Variants in IGF1R observed in about 807,000 individuals in gnomAD.
IGF1R encodes insulin-like growth factor 1 receptor.
IGF1R carries 44 observed loss-of-function variants against 144.6 expected under a neutral mutation model. The observed-to-expected ratio is 0.30, with a 90% CI of 0.24 to 0.39. IGF1R has a LOEUF of 0.39. Among genes scored for constraint, IGF1R ranks in the 10% least tolerant of loss-of-function variants. The pLI is 1.00. For missense variants in IGF1R, 1,355 were observed against 1,833.7 expected, an observed-to-expected ratio of 0.74 and a Z score of 4.77; for synonymous variants, 795 against 722.8, an observed-to-expected ratio of 1.10 and a Z score of -1.60.
chr15:98,949,470 C>T lies in IGF1R; in HGVS notation c.3722+762C>T, dbSNP rs1458231430. Among the ~76,000 whole-genome samples, 5 of 151,740 alleles carry T rather than the reference C, an allele frequency of 3.3e-5. No individual in the cohort carries two copies. The South Asian group carries it at 6.3e-4, about 19-fold the overall frequency. On this transcript the variant is annotated intron_variant, in intron 20 of 20. Coordinates refer to ENST00000650285, the MANE Select transcript of IGF1R (RefSeq NM_000875.5). ...CTTGGCTCACTGCAACCTCTGCCTC[C>T]CGGGTTCAAGCAATTCTCCTGCCTC... is the stretch of plus-strand genomic sequence containing the variant.
intron 2 of IGF1R, among the ~76,000 whole-genome samples, chr15:98,721,839 TG>T (rs770342831): frequency 6.6e-6 from 1 of 152,192 alleles, no homozygotes; most frequent in Non-Finnish European, 1.5e-5. Context: ...TGCACATGTA[TG>T]GCCTAGGTGA....
chr15:98,898,812 T>A (rs932148784), intron 4 of IGF1R, among the ~76,000 whole-genome samples: 15 of 152,274 alleles, frequency 9.9e-5, no homozygotes, highest in Non-Finnish European at 2.2e-4. Flanking sequence ...TGAAACCTGT[T>A]GTTTGCATAT....
chr15:98,925,540 C>A (rs563940423), intron 13 of IGF1R, among the ~76,000 whole-genome samples: 36 of 152,330 alleles, frequency 2.4e-4, no homozygotes, highest in African/African-American at 8.7e-4. Flanking sequence ...AGTGGTAACA[C>A]TTTTGGGTCT....
At chr15:98,887,011 C>T (rs2013673737) in intron 2 of IGF1R, among the ~76,000 whole-genome samples, 1 of 152,206 alleles carries the variant, frequency 6.6e-6, no homozygotes, top group Non-Finnish European at 1.5e-5. Context: ...TCCATTGCTG[C>T]CCCCGCATAG....
At chr15:98,898,655 A>G (rs1000924786) in intron 4 of IGF1R, among the ~76,000 whole-genome samples, 3 of 152,240 alleles carry the variant, frequency 2.0e-5, no homozygotes, top group African/African-American at 4.8e-5. Context: ...AGAGCATTTT[A>G]TTAAATATGT....
intron 1 of IGF1R, among the ~76,000 whole-genome samples, chr15:98,650,021 C>T (rs919155552): frequency 2.6e-5 from 4 of 151,910 alleles, no homozygotes; most frequent in Admixed American, 6.6e-5. Context: ...GGCCCCGCGA[C>T]CCGCACCTCG....
intron 2 of IGF1R, among the ~76,000 whole-genome samples, chr15:98,832,658 A>T (rs554697038): frequency 6.6e-5 from 10 of 152,360 alleles, no homozygotes; most frequent in Admixed American, 5.2e-4. Context: ...AATTTAAGTT[A>T]GGTGGGACAC....
At chr15:98,901,239 G>C (rs1248618361) in intron 5 of IGF1R, among the ~76,000 whole-genome samples, 5 of 152,206 alleles carry the variant, frequency 3.3e-5, no homozygotes, top group Admixed American at 3.3e-4. Flanking sequence ...TTAGATGCAG[G>C]GGAGGGCAAG....
intron 2 of IGF1R, among the ~76,000 whole-genome samples, chr15:98,826,899 T>C (rs550273517): frequency 6.6e-6 from 1 of 152,332 alleles, no homozygotes; most frequent in Admixed American, 6.5e-5. Flanking sequence ...AGCAGTTTGC[T>C]CTCTGTGACG....
chr15:98,694,427 G>A (rs776837270), intron 1 of IGF1R, among the ~76,000 whole-genome samples: 1 of 152,054 alleles, frequency 6.6e-6, no homozygotes, highest in Non-Finnish European at 1.5e-5. Context: ...ACTGCTGTGT[G>A]GCTCTATGAA....
At chr15:98,730,370 A>G (rs1398224446) in intron 2 of IGF1R, among the ~76,000 whole-genome samples, 1 of 152,228 alleles carries the variant, frequency 6.6e-6, no homozygotes, top group Non-Finnish European at 1.5e-5. Flanking sequence ...CTATTCATGT[A>G]GTACCACGAT....
intron 1 of IGF1R, among the ~76,000 whole-genome samples, chr15:98,700,483 G>A (rs1007468867): frequency 1.3e-5 from 2 of 152,246 alleles, no homozygotes; most frequent in Admixed American, 6.5e-5. Context: ...TAGGCCAGCA[G>A]CATCAGCATC....
chr15:98,917,588 A>G (rs775934405), intron 10 of IGF1R, among the ~76,000 whole-genome samples: 5 of 152,268 alleles, frequency 3.3e-5, no homozygotes, highest in Non-Finnish European at 5.9e-5. Context: ...CCCAGTGTAC[A>G]TCAACAGGTG....
At chr15:98,943,196 C>A in intron 19 of IGF1R, 144 bp downstream of exon 19, 2 of 927,150 alleles carry the variant, frequency 2.2e-6, no homozygotes, top group Non-Finnish European at 3.5e-6. Flanking sequence ...CACACTTCTT[C>A]ATCATTGAGG....
intron 2 of IGF1R, among the ~76,000 whole-genome samples, chr15:98,889,458 C>T (rs1468155165): frequency 1.3e-5 from 2 of 152,156 alleles, no homozygotes; most frequent in African/African-American, 2.4e-5. Context: ...GTTAAGGGTG[C>T]TCATGAAGAT....
intron 10 of IGF1R, 68 bp from the exon 11 acceptor site, chr15:98,922,080 T>A: frequency 6.4e-7 from 1 of 1,556,292 alleles, no homozygotes; most frequent in Non-Finnish European, 8.9e-7. Flanking sequence ...CTGTTACTCT[T>A]ACTCAAGTCA....
intron 2 of IGF1R, among the ~76,000 whole-genome samples, chr15:98,853,750 GC>G (rs2011639006): frequency 6.6e-6 from 1 of 152,192 alleles, no homozygotes. Flanking sequence ...GGTGCCCTGC[GC>G]CCCGTCTCAG....
chr15:98,908,118 C>G (rs759858801), intron 5 of IGF1R, among the ~76,000 whole-genome samples: 4 of 152,216 alleles, frequency 2.6e-5, no homozygotes, highest in African/African-American at 7.2e-5. Flanking sequence ...CCCCACACCT[C>G]CAGGGACTGG....
intron 2 of IGF1R, among the ~76,000 whole-genome samples, chr15:98,871,409 C>T (rs1216176442): frequency 6.6e-6 from 1 of 152,244 alleles, no homozygotes; most frequent in Non-Finnish European, 1.5e-5. Context: ...GGACTTGCTT[C>T]TTCACCTGTT....
Sources: allele counts gnomAD v4.1 joint callset (sites outside exome capture counted in the v4.1 genomes callset), GRCh38; gene constraint gnomAD v4.1.1; transcripts MANE v1.5; gene names NCBI Gene and HGNC (gene_info 2026-07-23, HGNC 2026-07-21).